TMEM131L: variants seen among roughly 807,000 people sequenced by gnomAD.
TMEM131L encodes transmembrane protein 131-like.
TMEM131L carries 54 observed loss-of-function variants against 192.2 expected under a neutral mutation model. That is an observed-to-expected ratio of 0.28 (90% confidence interval 0.23 to 0.35). The LOEUF (loss-of-function observed/expected upper bound fraction) is 0.35. Ranked by LOEUF, TMEM131L falls within the 10% of genes least tolerant of loss-of-function variation. The probability of loss-of-function intolerance (pLI) is 1.00; values close to 1 mark genes in which losing one functional copy is unlikely to be tolerated. For missense variants in TMEM131L, 1,888 were observed against 1,972.9 expected, an observed-to-expected ratio of 0.96 and a Z score of 0.82; for synonymous variants, 701 against 704.9, an observed-to-expected ratio of 0.99 and a Z score of 0.09.
chr4:153,504,846 A>G (rs1465289390), intron 3 of TMEM131L, among the ~76,000 whole-genome samples: 3 of 152,168 alleles, frequency 2.0e-5, no homozygotes, highest in Non-Finnish European at 4.4e-5. Flanking sequence ...ACAACATGCC[A>G]TTGTCAAGGA....
At chr4:153,489,638 CG>C (rs1385558208) in intron 3 of TMEM131L, among the ~76,000 whole-genome samples, 1 of 152,030 alleles carries the variant, frequency 6.6e-6, no homozygotes, top group Non-Finnish European at 1.5e-5. Flanking sequence ...CCACCATGCC[CG>C]GCTAATTTTT....
At chr4:153,590,526 G>T (rs927408576) in intron 16 of TMEM131L, among the ~76,000 whole-genome samples, 1 of 152,096 alleles carries the variant, frequency 6.6e-6, no homozygotes, top group Admixed American at 6.5e-5. Context: ...GATAAATTAC[G>T]GTATAAACGC....
Position 153,602,307 on chromosome 4 carries a change from G to C in TMEM131L, c.2422G>C (p.Asp808His). The change falls in exon 22 of 35, where the codon GAC (aspartate) becomes CAC (histidine). Residue 808 changes from aspartate to histidine, a missense_variant. Transcript: ENST00000409959. ...GCTGGATTGTCATCAGTTTTCCCTG[G>C]ACCCAAACACATCCCGCGATATCAG... ...EVLDCHQFSLDPNTSRDISIV... is the reference protein window; with the variant it reads ...EVLDCHQFSLHPNTSRDISIV... 6.2e-7 allele frequency: 1 copy of C among 1,613,458 alleles called. No homozygotes were observed. Among genetic ancestry groups the C allele is most frequent in the African/African-American group, 1.3e-5 (1 of 74,972 alleles).
At chr4:153,604,707 A>G (rs1732095234) in intron 25 of TMEM131L, among the ~76,000 whole-genome samples, 1 of 150,986 alleles carries the variant, frequency 6.6e-6, no homozygotes, top group South Asian at 2.1e-4. Context: ...TTCTAATTTT[A>G]TTTATTTATT....
chr4:153,562,299 G>T lies in TMEM131L; in HGVS notation c.660+3931G>T, dbSNP rs189865222. Among the ~76,000 whole-genome samples, 4 of 152,218 alleles carry T rather than the reference G, an allele frequency of 2.6e-5. No homozygotes were observed. In the South Asian group the frequency reaches 8.3e-4, roughly 32 times the overall value. On this transcript the variant is annotated intron_variant, in intron 7 of 34. Transcript: ENST00000409959. ...GATCCGCCCACCTCGGCCTCCTAAAGTGCTGGAATTACAGGCATGAGCCAC... is the reference window on the plus strand; with the variant it reads ...GATCCGCCCACCTCGGCCTCCTAAATTGCTGGAATTACAGGCATGAGCCAC...
In TMEM131L at chr4:153,634,246, A is replaced by G; in HGVS notation, c.4383A>G (p.Pro1461=). ...GCCAGTTTTCCAGCGCATACTGTCC[A>G]TTGGAATTGAACGATTACAATGCCT... The part of the protein sequence containing the change: ...CEGQFSSAYC[P]LELNDYNAFP... Residue 1461 remains proline (P), a synonymous_variant, in exon 33 of 35, where the codon CCA becomes CCG. Transcript: ENST00000409959. 1 of 1,614,116 alleles carries G rather than the reference A, an allele frequency of 6.2e-7. No individual in the cohort carries two copies. The highest frequency in any genetic ancestry group is 8.5e-7 in the Non-Finnish European group (1 of 1,179,970).
At position 153,604,294 on chromosome 4, in the gene TMEM131L, A is replaced by C. The variant is rs17030219; in HGVS notation, c.3282A>C (p.Ser1094=). The change falls in exon 25 of 35, where the codon TCA becomes TCC. Residue 1094 remains serine, a synonymous_variant. Coordinates refer to ENST00000409959, the MANE Select transcript of TMEM131L (RefSeq NM_001131007.2). The part of the protein sequence containing the change: ...MFPKETDIKT[S]ENTAEFKERE... The stretch of plus-strand genomic sequence containing the variant: ...CTAAGGAAACTGACATTAAAACTTC[A>C]GAGAACACAGCCGAGTTCAAGGAAC... 2.0e-3 allele frequency: 3,249 copies of C among 1,614,194 alleles called. 51 individuals are homozygous for C. The African/African-American group carries it at 0.036, about 18-fold the overall frequency.
chr4:153,606,479 G>A (rs1328386200), intron 25 of TMEM131L, among the ~76,000 whole-genome samples: 1 of 152,180 alleles, frequency 6.6e-6, no homozygotes, highest in Non-Finnish European at 1.5e-5. Flanking sequence ...GAGAAATGTA[G>A]TGTCAGAGTA....
intron 7 of TMEM131L, among the ~76,000 whole-genome samples, chr4:153,578,294 T>A (rs1461607565): frequency 6.6e-6 from 1 of 152,100 alleles, no homozygotes; most frequent in Non-Finnish European, 1.5e-5. Flanking sequence ...AGTTTGAGGC[T>A]GCATTGCGCT....
chr4:153,536,636 A>T (rs1015092092), intron 3 of TMEM131L, among the ~76,000 whole-genome samples: 1 of 152,288 alleles, frequency 6.6e-6, no homozygotes, highest in Admixed American at 6.5e-5. Flanking sequence ...GGTCTGTGTC[A>T]GTCAGATTCT....
intron 3 of TMEM131L, among the ~76,000 whole-genome samples, chr4:153,504,388 T>G (rs1426823768): frequency 6.9e-6 from 1 of 145,456 alleles, no homozygotes; most frequent in Non-Finnish European, 1.5e-5. Flanking sequence ...CAAGTGGTTG[T>G]CCTGCCTTAG....
chr4:153,602,854 A>G (rs1731942506), intron 23 of TMEM131L, 127 bp downstream of exon 23: 2 of 822,388 alleles, frequency 2.4e-6, no homozygotes, highest in Non-Finnish European at 2.0e-6. Context: ...TACTGCTTCA[A>G]GAACTGTGAC....
chr4:153,531,892 C>G (rs947475744), intron 3 of TMEM131L, among the ~76,000 whole-genome samples: 3 of 152,182 alleles, frequency 2.0e-5, no homozygotes, highest in Admixed American at 6.5e-5. Flanking sequence ...ATTTCCCCAC[C>G]TCTCCACCAC....
At chr4:153,532,123 C>T (rs1407215192) in intron 3 of TMEM131L, among the ~76,000 whole-genome samples, 1 of 152,226 alleles carries the variant, frequency 6.6e-6, no homozygotes, top group Admixed American at 6.5e-5. Context: ...TCTTCCTCTG[C>T]AGCTGCCAGG....
chr4:153,619,040 TTGA>T (rs1163453292), intron 26 of TMEM131L, among the ~76,000 whole-genome samples: 1 of 152,192 alleles, frequency 6.6e-6, no homozygotes, highest in African/African-American at 2.4e-5. Flanking sequence ...GGAGAACTCT[TTGA>T]TGCTTCTGGT....
At chr4:153,469,340 C>CGT (rs70963189) in intron 2 of TMEM131L, among the ~76,000 whole-genome samples, 2 of 151,516 alleles carry the variant, frequency 1.3e-5, no homozygotes, top group Non-Finnish European at 2.9e-5. Flanking sequence ...CACACACACA[C>CGT]GTGTGTATGT....
intron 3 of TMEM131L, among the ~76,000 whole-genome samples, chr4:153,493,885 T>C (rs1308449791): frequency 6.6e-6 from 1 of 152,222 alleles, no homozygotes; most frequent in East Asian, 1.9e-4. Context: ...TAATGTTACC[T>C]GCTATGAAGT....
Position 153,621,358 on chromosome 4 carries a change from TC to T in TMEM131L, c.3693-324del, listed in dbSNP as rs568005466. Among the ~76,000 whole-genome samples the T allele has an allele frequency of 1.2e-4, 18 of 152,286 alleles. No homozygotes were observed. The East Asian group carries it at 3.5e-3, about 29-fold the overall frequency. ...TGCTTCAGTCCTGCAGAAGGTAGGT[TC>T]TTACAGCTGCAGGAAGTGAGGTACC... On this transcript the variant is annotated intron_variant, in intron 27 of 34. Coordinates refer to ENST00000409959, the MANE Select transcript of TMEM131L (RefSeq NM_001131007.2).
intron 3 of TMEM131L, among the ~76,000 whole-genome samples, chr4:153,485,111 T>A (rs1732231711): frequency 7.4e-6 from 1 of 135,548 alleles, no homozygotes; most frequent in Admixed American, 7.9e-5. Flanking sequence ...AGAGCGAGAC[T>A]CTGTCTCATT....
Sources: gnomAD v4.1 joint callset for allele counts (sites outside exome capture counted in the v4.1 genomes callset) on GRCh38, gnomAD v4.1.1 for gene constraint, MANE v1.5 for transcripts, NCBI Gene and HGNC (gene_info 2026-07-23, HGNC 2026-07-21) for gene names.